The following NHS variants were observed in gnomAD, a reference collection of about 807,000 sequenced individuals.
NHS encodes actin remodeling regulator NHS.
NHS carries 5 observed loss-of-function variants against 72.5 expected under a neutral mutation model. The observed-to-expected ratio is 0.07, with a 90% CI of 0.04 to 0.14. NHS has a LOEUF of 0.14. NHS is among the 10% of genes least tolerant of loss of function. The probability of loss-of-function intolerance (pLI) is 1.00; values close to 1 mark genes in which losing one functional copy is unlikely to be tolerated. For missense variants in NHS, 1,072 were observed against 1,355.7 expected (o/e 0.79, Z 3.29); for synonymous variants, 464 against 547.7 (o/e 0.85, Z 2.13).
At chrX:17,504,279 A>G (rs868745926) in intron 1 of NHS, among the ~76,000 whole-genome samples, 1 of 111,958 alleles carries the variant, frequency 8.9e-6, no homozygotes, top group Non-Finnish European at 1.9e-5. Flanking sequence ...GCTGGTACCC[A>G]TCTGTGTATA....
At chrX:17,636,039 G>A (rs1236239790) in intron 1 of NHS, among the ~76,000 whole-genome samples, 2 of 111,961 alleles carry the variant, frequency 1.8e-5, no homozygotes, top group Non-Finnish European at 3.8e-5. Flanking sequence ...TCTGGGAAGG[G>A]GCCCCATCCT....
At chrX:17,489,691 G>A (rs941244940) in intron 1 of NHS, among the ~76,000 whole-genome samples, 1 of 111,809 alleles carries the variant, frequency 8.9e-6, no homozygotes, top group African/African-American at 3.3e-5. Flanking sequence ...GTTTCACTGT[G>A]TTAGCCAGGA....
intron 1 of NHS, among the ~76,000 whole-genome samples, chrX:17,668,643 C>T (rs2066026932): frequency 1.8e-5 from 2 of 110,894 alleles, no homozygotes; most frequent in African/African-American, 6.6e-5. Flanking sequence ...AGATGCCTTG[C>T]CTAACTACTA....
intron 1 of NHS, among the ~76,000 whole-genome samples, chrX:17,609,880 G>T (rs1274757704): frequency 2.7e-5 from 3 of 111,390 alleles, no homozygotes; most frequent in Non-Finnish European, 5.7e-5. Flanking sequence ...TGGTTCTGAG[G>T]ACTCTAGCTT....
At chrX:17,566,107 A>G (rs2065442072) in intron 1 of NHS, among the ~76,000 whole-genome samples, 1 of 109,430 alleles carries the variant, frequency 9.1e-6, no homozygotes, top group Admixed American at 9.7e-5. Flanking sequence ...AGTCTCCTGA[A>G]TAGCTGGGAC....
In NHS at chrX:17,375,987, C is replaced by T; in HGVS notation, c.230C>T (p.Pro77Leu). The T allele has an allele frequency of 9.3e-7, 1 of 1,078,200 alleles. No homozygotes were observed. Among genetic ancestry groups the T allele is most frequent in the Non-Finnish European group, 1.2e-6 (1 of 833,636 alleles). The allele number at this position is 1,078,200 out of a possible 1,213,427, so 88.9% of individuals were successfully genotyped here. The change falls in exon 1 of 9, where the codon CCG (proline) becomes CTG (leucine). Residue 77 changes from proline (P) to leucine (L), a missense_variant. By Grantham distance (98) the Pro-to-Leu change is moderately conservative. Coordinates refer to ENST00000676302, the MANE Select transcript of NHS (RefSeq NM_001291867.2). ...CCGCCGCCGCCGCCACTGCCCGCGCCGGCCGACCAGACTCAGCCGCCGCAC... is the reference window on the plus strand; with the variant it reads ...CCGCCGCCGCCGCCACTGCCCGCGCTGGCCGACCAGACTCAGCCGCCGCAC... ...LPPPPPPLPA[P>L]ADQTQPPHGE...
At chrX:17,513,827 G>A (rs1249405771) in intron 1 of NHS, among the ~76,000 whole-genome samples, 1 of 112,438 alleles carries the variant, frequency 8.9e-6, no homozygotes, top group Non-Finnish European at 1.9e-5. Flanking sequence ...CAACTTGATT[G>A]AAGGATGCAA....
chrX:17,434,786 G>C (rs1281568399), intron 1 of NHS, among the ~76,000 whole-genome samples: 1 of 111,815 alleles, frequency 8.9e-6, no homozygotes, highest in Non-Finnish European at 1.9e-5. Context: ...CCAGGCATTA[G>C]GTTGGGTGTG....
At chrX:17,586,022 G>C (rs995719496) in intron 1 of NHS, 1 of 110,674 alleles carries the variant, frequency 9.0e-6, no homozygotes, top group Non-Finnish European at 1.9e-5. Context: ...AAAACCAGGA[G>C]TGTATTTGTT....
At chrX:17,689,626 AT>A (rs1394134530) in intron 2 of NHS, among the ~76,000 whole-genome samples, 1 of 111,799 alleles carries the variant, frequency 8.9e-6, no homozygotes, top group Non-Finnish European at 1.9e-5. Context: ...TATCTTATTA[AT>A]TTATTTTATT....
intron 1 of NHS, among the ~76,000 whole-genome samples, chrX:17,547,015 C>T (rs1380603746): frequency 8.9e-6 from 1 of 112,215 alleles, no homozygotes; most frequent in Non-Finnish European, 1.9e-5. Flanking sequence ...CTCTGCTTTC[C>T]TCCCTGGGGT....
At chrX:17,664,293 A>G (rs982736749) in intron 1 of NHS, among the ~76,000 whole-genome samples, 1 of 111,883 alleles carries the variant, frequency 8.9e-6, no homozygotes, top group African/African-American at 3.2e-5. Flanking sequence ...ATTATTTCAT[A>G]CATTTTCTTC....
Position 17,552,176 on chromosome X carries a change from C to G in NHS, c.566-135566C>G, listed in dbSNP as rs896831950. Among the ~76,000 whole-genome samples, 3 of 112,015 alleles carry G rather than the reference C, an allele frequency of 2.7e-5. No homozygotes were observed. The Admixed American group carries it at 2.8e-4, about 11-fold the overall frequency. On this transcript the variant is annotated intron_variant, in intron 1 of 8. Transcript: ENST00000676302. ...GCATCTTAATGCAGGTTTTGCACTA[C>G]ACAAGTCCAAAGGCATTCTGAATGG...
intron 1 of NHS, among the ~76,000 whole-genome samples, chrX:17,512,135 CAAAT>C (rs1335329338): frequency 9.0e-6 from 1 of 111,598 alleles, no homozygotes; most frequent in African/African-American, 3.3e-5. Flanking sequence ...CCTTGCCTCT[CAAAT>C]AAACTACAGT....
chrX:17,500,191 G>A (rs149733566), intron 1 of NHS, among the ~76,000 whole-genome samples: 308 of 112,147 alleles, frequency 2.7e-3, no homozygotes, highest in Middle Eastern at 9.2e-3. Flanking sequence ...AGGATAAGTG[G>A]CATGATGAAA....
intron 1 of NHS, among the ~76,000 whole-genome samples, chrX:17,651,445 T>A (rs2065930331): frequency 8.9e-6 from 1 of 112,377 alleles, no homozygotes; most frequent in Admixed American, 9.4e-5. Context: ...TTACTCAAGG[T>A]AGGCTAATTC....
intron 1 of NHS, among the ~76,000 whole-genome samples, chrX:17,453,562 A>T (rs2064814678): frequency 8.9e-6 from 1 of 111,919 alleles, no homozygotes; most frequent in Non-Finnish European, 1.9e-5. Flanking sequence ...AAACAAGCGC[A>T]CATTTTACTG....
rs756380375 is a variant in NHS at position 17,615,261 on chromosome X, C to CATATATATATAT, written c.566-72476_566-72465dup. Among the ~76,000 whole-genome samples the CATATATATATAT allele has an allele frequency of 5.5e-3, 494 of 89,669 alleles. 9 individuals carry two copies. The highest frequency in any genetic ancestry group is 0.023 in the African/African-American group (454 of 19,408). 77.9% of individuals were successfully genotyped at this position (89,669 alleles called of 115,157 possible). On this transcript the variant is annotated intron_variant, in intron 1 of 8. Coordinates refer to ENST00000676302, the MANE Select transcript of NHS (RefSeq NM_001291867.2). Reference sequence around the variant, plus strand: ...ACGTATATATATACACATATATACACATATATATATATATATGGTCTCACT... The same window carrying CATATATATATAT: ...ACGTATATATATACACATATATACACATATATATATATATATATATATATATATGGTCTCACT...
At chrX:17,498,010 C>G (rs1375748952) in intron 1 of NHS, among the ~76,000 whole-genome samples, 1 of 111,820 alleles carries the variant, frequency 8.9e-6, no homozygotes, top group Non-Finnish European at 1.9e-5. Flanking sequence ...GTCCCACTGC[C>G]AGGTTGCACC....
Sources: gnomAD v4.1 joint callset for allele counts (sites outside exome capture counted in the v4.1 genomes callset) on GRCh38, gnomAD v4.1.1 for gene constraint, MANE v1.5 for transcripts, NCBI Gene and HGNC (gene_info 2026-07-23, HGNC 2026-07-21) for gene names.